Variants in ABCA13 observed in about 807,000 individuals in gnomAD.
ABCA13 encodes ATP binding cassette subfamily A member 13.
A neutral mutation model predicts 478.7 loss-of-function variants in ABCA13; 476 were observed. That is an observed-to-expected ratio of 0.99 (90% confidence interval 0.92 to 1.07). The LOEUF is 1.07. ABCA13 is among the 50% of genes least tolerant of loss of function. The pLI, the probability that ABCA13 is intolerant of heterozygous loss-of-function variation, is 0.00. For missense variants in ABCA13, 6,060 were observed against 5,910.6 expected (o/e 1.03, Z -0.83); for synonymous variants, 2,252 against 2,158.9 (o/e 1.04, Z -1.20).
intron 15 of ABCA13, among the ~76,000 whole-genome samples, chr7:48,254,320 G>C (rs1247834988): frequency 6.6e-6 from 1 of 152,012 alleles, no homozygotes; most frequent in Non-Finnish European, 1.5e-5. Flanking sequence ...GTGGAATGCA[G>C]TGGTACAACC....
chr7:48,281,398 G>T lies in ABCA13; in HGVS notation c.8782G>T (p.Glu2928Ter). Residue 2928 changes from glutamate (E) to a stop codon, truncating the protein, a stop_gained, in exon 19 of 62, where the codon GAG becomes TAG. Transcript: ENST00000435803. LOFTEE classifies it high-confidence loss of function. The part of the protein sequence containing the change: ...QQTVKPSEAM[E>*]MLQKVKMMVV... ...GACTGTGAAGCCCTCAGAAGCCATG[G>T]AGATGCTGCAGAAAGTGAAGATGAT... is the stretch of plus-strand genomic sequence containing the variant. The T allele has an allele frequency of 6.2e-7, 1 of 1,609,826 alleles. No homozygotes were observed.
intron 48 of ABCA13, among the ~76,000 whole-genome samples, chr7:48,493,783 A>G (rs1830039505): frequency 6.6e-6 from 1 of 152,204 alleles, no homozygotes; most frequent in African/African-American, 2.4e-5. Flanking sequence ...TTATCCAAAG[A>G]TTCTGATTTG....
rs775184311 is a variant in ABCA13, at chr7:48,249,271, C to T, written c.1925C>T (p.Ala642Val). 9 of 1,613,112 alleles carry T rather than the reference C, an allele frequency of 5.6e-6. No homozygotes were observed. The highest frequency in any genetic ancestry group is 7.6e-6 in the Non-Finnish European group (9 of 1,179,390). ...CTGGAACAAGCATATTATTGGAAAG[C>T]CTTCAAAAAGTTTATCAGGAAGACT... ...FFLEQAYYWK[A>V]FKKFIRKTCE... The change falls in exon 15 of 62, where the codon GCC becomes GTC. Residue 642 changes from alanine (A) to valine (V), a missense_variant. Physicochemically the swap from Ala to Val is moderately conservative, Grantham distance 64. Coordinates refer to ENST00000435803, the MANE Select transcript of ABCA13 (RefSeq NM_152701.5).
At chr7:48,243,089 G>A (rs1791103162) in intron 10 of ABCA13, 1 of 152,316 alleles carries the variant, frequency 6.6e-6, no homozygotes, top group Non-Finnish European at 1.5e-5. Flanking sequence ...GGCAAGGCGA[G>A]GACTCACAGA....
intron 1 of ABCA13, among the ~76,000 whole-genome samples, chr7:48,179,702 T>C (rs1214302114): frequency 1.3e-5 from 2 of 152,214 alleles, no homozygotes; most frequent in African/African-American, 2.4e-5. Context: ...GTCAGAATGA[T>C]GAGTGTCAGC....
chr7:48,612,366 A>G (rs1450248326), intron 58 of ABCA13, among the ~76,000 whole-genome samples: 1 of 152,200 alleles, frequency 6.6e-6, no homozygotes, highest in Non-Finnish European at 1.5e-5. Context: ...CTCCAATAAT[A>G]TAAATAACAC....
chr7:48,226,599 G>A (rs1405049581), intron 5 of ABCA13, among the ~76,000 whole-genome samples: 1 of 152,192 alleles, frequency 6.6e-6, no homozygotes, highest in East Asian at 1.9e-4. Flanking sequence ...CAGCAACTGT[G>A]GAGCTTGGAT....
intron 42 of ABCA13, among the ~76,000 whole-genome samples, chr7:48,453,747 C>T (rs1253080975): frequency 6.6e-6 from 1 of 152,194 alleles, no homozygotes; most frequent in Non-Finnish European, 1.5e-5. Context: ...GGACTCACTC[C>T]TTGGTACCGA....
rs533203672 is a variant in ABCA13 at position 48,576,590 on chromosome 7, G to A, written c.14355-3634G>A. On this transcript the variant is annotated intron_variant, in intron 55 of 61. Transcript: ENST00000435803. The stretch of plus-strand genomic sequence containing the variant: ...CTCAGGCTCTAGAAGACTGAGACAT[G>A]ATTGTGGGAATATAGAACTCTTCCC... 7.9e-5 allele frequency among the ~76,000 whole-genome samples: 12 copies of A among 152,268 alleles called. No individual in the cohort carries two copies. In the South Asian group the frequency reaches 2.1e-3, roughly 26 times the overall value.
intron 35 of ABCA13, among the ~76,000 whole-genome samples, chr7:48,381,266 T>C (rs957651779): frequency 2.6e-5 from 4 of 152,096 alleles, no homozygotes; most frequent in Admixed American, 2.6e-4. Context: ...TAAAACACTG[T>C]TCCAGAGTCT....
chr7:48,594,627 TG>T, intron 57 of ABCA13, 82 bp from the exon 58 acceptor site: 2 of 1,305,080 alleles, frequency 1.5e-6, no homozygotes, highest in Admixed American at 1.7e-5. Flanking sequence ...TTCTTTCACC[TG>T]GGGTCTGGCC....
At chr7:48,356,612 C>T (rs1809966185) in intron 31 of ABCA13, among the ~76,000 whole-genome samples, 1 of 151,870 alleles carries the variant, frequency 6.6e-6, no homozygotes, top group South Asian at 2.1e-4. Context: ...TTCTTGCACA[C>T]AGATCTCTCT....
At chr7:48,294,434 T>TTTTG (rs1370518429) in intron 20 of ABCA13, among the ~76,000 whole-genome samples, 6 of 98,866 alleles carry the variant, frequency 6.1e-5, no homozygotes, top group African/African-American at 2.1e-4. Context: ...GGTTTTTTTT[T>TTTTG]TTTTTTTGTT....
intron 45 of ABCA13, among the ~76,000 whole-genome samples, chr7:48,474,704 T>A (rs1218439254): frequency 6.6e-6 from 1 of 152,174 alleles, no homozygotes; most frequent in East Asian, 1.9e-4. Flanking sequence ...CATGCACAAA[T>A]GCCATATTTT....
At chr7:48,489,431 G>A in intron 48 of ABCA13, 87 bp downstream of exon 48, 1 of 1,169,940 alleles carries the variant, frequency 8.5e-7, no homozygotes, top group Non-Finnish European at 1.2e-6. Context: ...TTTCTGAATA[G>A]AAATGTGAGG....
chr7:48,474,172 A>C (rs1264227148), intron 45 of ABCA13, among the ~76,000 whole-genome samples: 1 of 152,170 alleles, frequency 6.6e-6, no homozygotes, highest in Non-Finnish European at 1.5e-5. Context: ...GACAAAAGGC[A>C]GGTTAACTGG....
intron 15 of ABCA13, among the ~76,000 whole-genome samples, chr7:48,255,387 A>T (rs1159322415): frequency 6.6e-6 from 1 of 152,210 alleles, no homozygotes; most frequent in Non-Finnish European, 1.5e-5. Context: ...TACTTAAGAC[A>T]GTATGTGATG....
chr7:48,206,482 A>C (rs149929442), intron 3 of ABCA13, among the ~76,000 whole-genome samples: 98 of 152,322 alleles, frequency 6.4e-4, no homozygotes, highest in African/African-American at 2.3e-3. Context: ...AAATTGCCTA[A>C]GAATGCATTT....
chr7:48,462,707 C>T (rs1333810711), intron 43 of ABCA13, among the ~76,000 whole-genome samples: 4 of 152,108 alleles, frequency 2.6e-5, no homozygotes, highest in African/African-American at 7.2e-5. Context: ...CAGGGTTTCA[C>T]CATGCTGGCC....
Sources: gnomAD v4.1 joint callset for allele counts (sites outside exome capture counted in the v4.1 genomes callset) on GRCh38, gnomAD v4.1.1 for gene constraint, MANE v1.5 for transcripts, NCBI Gene and HGNC (gene_info 2026-07-23, HGNC 2026-07-21) for gene names.